The following ERBIN variants were observed in gnomAD, a reference collection of about 807,000 sequenced individuals.
ERBIN encodes erbb2 interacting protein.
ERBIN carries 60 observed loss-of-function variants against 158.4 expected under a neutral mutation model. That is an observed-to-expected ratio of 0.38 (90% CI 0.31 to 0.47). The LOEUF (loss-of-function observed/expected upper bound fraction) is 0.47. Among genes scored for constraint, ERBIN ranks in the 20% least tolerant of loss-of-function variants. The probability of loss-of-function intolerance (pLI) is 0.99; values close to 1 mark genes in which losing one functional copy is unlikely to be tolerated. For synonymous variants in ERBIN, 594 were observed against 557.2 expected, an observed-to-expected ratio of 1.07 and a Z score of -0.93; for missense variants, 1,610 against 1,648.0, an observed-to-expected ratio of 0.98 and a Z score of 0.40.
At chr5:66,045,301 T>C (rs1411238590) in intron 17 of ERBIN, among the ~76,000 whole-genome samples, 1 of 152,118 alleles carries the variant, frequency 6.6e-6, no homozygotes, top group Non-Finnish European at 1.5e-5. Context: ...TAGTCAGATA[T>C]GTTTGCATAC....
At chr5:66,076,488 A>G (rs1407192261) in intron 24 of ERBIN, 80 bp downstream of exon 24, 2 of 1,077,874 alleles carry the variant, frequency 1.9e-6, no homozygotes, top group East Asian at 2.4e-5. Context: ...GTGAAAATCT[A>G]ATAGATGTTT....
Position 65,947,476 on chromosome 5 carries a change from C to T in ERBIN, c.-58+20670C>T, listed in dbSNP as rs565169639. On this transcript the variant is annotated intron_variant, in intron 1 of 25. Coordinates refer to ENST00000284037, the MANE Select transcript of ERBIN (RefSeq NM_001253697.2). ...ATTGATTATTATTTTTAACATTTCT[C>T]CTTACAGATGAGATTTGAGGTGACA... is the stretch of plus-strand genomic sequence containing the variant. Among the ~76,000 whole-genome samples the T allele has an allele frequency of 1.1e-4, 16 of 152,208 alleles. No homozygotes were observed. The South Asian group carries it at 2.9e-3, about 28-fold the overall frequency.
intron 1 of ERBIN, among the ~76,000 whole-genome samples, chr5:65,958,823 T>TA (rs1336295431): frequency 6.6e-6 from 1 of 152,240 alleles, no homozygotes; most frequent in Non-Finnish European, 1.5e-5. Flanking sequence ...CACTTTCTTA[T>TA]AAAATAGGCT....
intron 4 of ERBIN, among the ~76,000 whole-genome samples, chr5:66,004,397 CGTGCGTGT>C (rs1561360466): frequency 2.5e-4 from 38 of 151,670 alleles, no homozygotes; most frequent in African/African-American, 9.0e-4. Context: ...TGTGCGCGCG[CGTGCGTGT>C]GTGTATGTGT....
intron 1 of ERBIN, among the ~76,000 whole-genome samples, chr5:65,966,080 A>G (rs1261550824): frequency 6.6e-6 from 1 of 150,396 alleles, no homozygotes; most frequent in African/African-American, 2.4e-5. Context: ...ATATACAGTC[A>G]TGTGCCACAT....
intron 1 of ERBIN, among the ~76,000 whole-genome samples, chr5:65,943,122 TTTGTG>T (rs1745272952): frequency 6.6e-6 from 1 of 152,230 alleles, no homozygotes; most frequent in Non-Finnish European, 1.5e-5. Flanking sequence ...GGCTTCACTC[TTTGTG>T]TTGTACATTC....
chr5:65,966,888 T>C (rs1012213212), intron 1 of ERBIN, among the ~76,000 whole-genome samples: 2 of 151,904 alleles, frequency 1.3e-5, no homozygotes, highest in Admixed American at 1.3e-4. Context: ...CCTAGGCTAA[T>C]GTGTGTGTTT....
At chr5:66,030,814 C>T (rs1027375865) in intron 14 of ERBIN, among the ~76,000 whole-genome samples, 4 of 151,824 alleles carry the variant, frequency 2.6e-5, no homozygotes, top group African/African-American at 9.7e-5. Flanking sequence ...CAAGCCATCC[C>T]CCTGCTTCAG....
chr5:66,046,672 A>G, intron 18 of ERBIN, 134 bp downstream of exon 18: 2 of 646,630 alleles, frequency 3.1e-6, no homozygotes, highest in Non-Finnish European at 4.9e-6. Flanking sequence ...TCATATCTGC[A>G]AAAATATCAC....
intron 1 of ERBIN, among the ~76,000 whole-genome samples, chr5:65,987,010 G>A (rs1751304200): frequency 6.6e-6 from 1 of 152,152 alleles, no homozygotes; most frequent in African/African-American, 2.4e-5. Flanking sequence ...ACTAGATACT[G>A]TGTACACATA....
chr5:66,058,147 A>G (rs1429593915), intron 21 of ERBIN, among the ~76,000 whole-genome samples: 1 of 151,934 alleles, frequency 6.6e-6, no homozygotes, highest in East Asian at 1.9e-4. Flanking sequence ...TTACAGTCCC[A>G]CCAACAGTGT....
chr5:65,965,382 G>GTTGTTTT (rs1748463429), intron 1 of ERBIN, among the ~76,000 whole-genome samples: 1 of 96,058 alleles, frequency 1.0e-5, no homozygotes, highest in Non-Finnish European at 2.1e-5. Context: ...GTTTTTTGTT[G>GTTGTTTT]TTTTTTTTTT....
At chr5:66,021,718 CAGAG>C (rs1561386153) in intron 8 of ERBIN, among the ~76,000 whole-genome samples, 1 of 152,058 alleles carries the variant, frequency 6.6e-6, no homozygotes, top group African/African-American at 2.4e-5. Flanking sequence ...AGTTCTGAAT[CAGAG>C]AGAGCTCCAT....
intron 4 of ERBIN, among the ~76,000 whole-genome samples, chr5:66,010,812 TTAGTC>T (rs1754121045): frequency 6.6e-6 from 1 of 152,224 alleles, no homozygotes; most frequent in Non-Finnish European, 1.5e-5. Context: ...TAGCATTCCT[TTAGTC>T]TAGATTAGAA....
At chr5:66,066,031 G>T (rs1760956570) in intron 21 of ERBIN, among the ~76,000 whole-genome samples, 1 of 151,938 alleles carries the variant, frequency 6.6e-6, no homozygotes, top group Admixed American at 6.6e-5. Flanking sequence ...CTTTATTTCT[G>T]CAAGTCTCTC....
At chr5:65,957,737 C>G (rs1027514574) in intron 1 of ERBIN, among the ~76,000 whole-genome samples, 15 of 152,392 alleles carry the variant, frequency 9.8e-5, no homozygotes, top group South Asian at 2.1e-4. Context: ...GGGTACACCT[C>G]TAAGATGGGG....
At chr5:66,005,160 G>T (rs1404849671) in intron 4 of ERBIN, among the ~76,000 whole-genome samples, 2 of 152,144 alleles carry the variant, frequency 1.3e-5, no homozygotes, top group African/African-American at 4.8e-5. Flanking sequence ...GTCATCTGAG[G>T]TGATAGTGAT....
chr5:66,078,303 G>A, intron 25 of ERBIN, 120 bp from the exon 26 acceptor site: 1 of 664,532 alleles, frequency 1.5e-6, no homozygotes, highest in Non-Finnish European at 2.6e-6. Flanking sequence ...CTGTGAATCT[G>A]TATGTTATTT....
chr5:65,955,534 G>T (rs774841680), intron 1 of ERBIN, among the ~76,000 whole-genome samples: 4 of 152,206 alleles, frequency 2.6e-5, no homozygotes, highest in Admixed American at 6.5e-5. Flanking sequence ...GGAGGCTGAG[G>T]CAGGAGAATC....
Sources: allele counts gnomAD v4.1 joint callset (sites outside exome capture counted in the v4.1 genomes callset), GRCh38; gene constraint gnomAD v4.1.1; transcripts MANE v1.5; gene names NCBI Gene and HGNC (gene_info 2026-07-23, HGNC 2026-07-21).